The following NTPCR variants were observed in gnomAD, a reference collection of about 807,000 sequenced individuals.
The protein encoded by NTPCR is nucleoside-triphosphatase, cancer-related.
In NTPCR, 15 loss-of-function variants were observed where a neutral mutation model predicts 19.5. That is an observed-to-expected ratio of 0.77 (90% CI 0.51 to 1.18). The LOEUF (loss-of-function observed/expected upper bound fraction) is 1.18. Ranked by LOEUF, NTPCR falls within the 50% of genes most tolerant of loss-of-function variation. The probability of loss-of-function intolerance (pLI) is 0.00; values close to 1 mark genes in which losing one functional copy is unlikely to be tolerated. For missense variants in NTPCR, 206 were observed against 240.4 expected (o/e 0.86, Z 0.95); for synonymous variants, 90 against 95.8 (o/e 0.94, Z 0.36).
chr1:232,977,976 A>C (rs1669173302), intron 4 of NTPCR, among the ~76,000 whole-genome samples, 187 bp from the exon 5 acceptor site: 1 of 152,176 alleles, frequency 6.6e-6, no homozygotes. Context: ...GCAGAAACTG[A>C]TGCTGGGACT....
At chr1:232,969,698 C>T (rs971833152) in intron 3 of NTPCR, 53 of 500,390 alleles carry the variant, frequency 1.1e-4, no homozygotes, top group Non-Finnish European at 6.9e-5. Context: ...TTCCAAGAGT[C>T]CTAATGATTC....
At chr1:232,950,957 A>C (rs1278042488) in intron 1 of NTPCR, 2 of 526,108 alleles carry the variant, frequency 3.8e-6, no homozygotes, top group Non-Finnish European at 6.7e-6. Flanking sequence ...ATTAGAACAC[A>C]CTTGTGAGGG....
In NTPCR at chr1:232,970,055, T is replaced by C. The variant is rs1427786672; in HGVS notation, c.441T>C (p.Pro147=). ...GTIILGTIPV[P]KGKPLALVEE... is the part of the protein sequence containing the mutation. ...TAATCCTTGGCACAATCCCAGTTCC[T>C]AAAGGAAAGCCACTGGCTCTTGTAG... Residue 147 remains proline, a synonymous_variant, in exon 4 of 5, where the codon CCT becomes CCC. Transcript: ENST00000366628. 3.1e-6 allele frequency: 5 copies of C among 1,614,066 alleles called. No homozygotes were observed. In the Admixed American group the frequency reaches 5.0e-5, roughly 16 times the overall value.
At position 232,955,668 on chromosome 1, in the gene NTPCR, G is replaced by A. The variant is rs771839425; in HGVS notation, c.146G>A (p.Gly49Glu). ...GTCAGACAGGGAGGGAGAAGAATAGGATTCGATGTCGTCACGTTGTCCGGC... is the reference window on the plus strand; with the variant it reads ...GTCAGACAGGGAGGGAGAAGAATAGAATTCGATGTCGTCACGTTGTCCGGC... The part of the protein sequence containing the change: ...EEVRQGGRRI[G>E]FDVVTLSGTR... The change falls in exon 2 of 5, where the codon GGA (glycine) becomes GAA (glutamate). Residue 49 changes from glycine (G) to glutamate (E), a missense_variant. Transcript: ENST00000366628. The A allele has an allele frequency of 3.7e-6, 6 of 1,613,892 alleles. No individual in the cohort carries two copies. Among genetic ancestry groups the A allele is most frequent in the Non-Finnish European group, 3.4e-6 (4 of 1,179,950 alleles).
In NTPCR at chr1:232,955,606, C is replaced by T; in HGVS notation, c.84C>T (p.Ser28=). 1 of 1,610,158 alleles carries T rather than the reference C, an allele frequency of 6.2e-7. No individual in the cohort carries two copies. The highest frequency in any genetic ancestry group is 8.5e-7 in the Non-Finnish European group (1 of 1,179,242). The change falls in exon 2 of 5, where the codon TCC becomes TCT. Residue 28 remains serine, a synonymous_variant. Transcript: ENST00000366628. The part of the protein sequence containing the change: ...LIHKASEVLK[S]SGVPVDGFYT... The stretch of plus-strand genomic sequence containing the variant: ...ATAAAGCCAGTGAGGTTTTAAAATC[C>T]TCTGGTGTGCCTGTTGATGGATTTT...
chr1:232,966,368 GTCC>G (rs1668817377), intron 3 of NTPCR: 1 of 152,140 alleles, frequency 6.6e-6, no homozygotes, highest in Non-Finnish European at 1.5e-5. Context: ...AATCCAAACA[GTCC>G]TCCTAAAATT....
chr1:232,958,749 A>T lies in NTPCR; in HGVS notation c.294+2306A>T, dbSNP rs193182064. ...CTTTTTAGCTGTTTTCCCGTCACAT[A>T]CATTCCTCTCTACTTAAATGTTCAA... is the stretch of plus-strand genomic sequence containing the variant. On this transcript the variant is annotated intron_variant, in intron 3 of 4. Coordinates refer to ENST00000366628, the MANE Select transcript of NTPCR (RefSeq NM_032324.3). 2.1e-4 allele frequency among the ~76,000 whole-genome samples: 32 copies of T among 152,258 alleles called. No homozygotes were observed. The East Asian group carries it at 3.7e-3, about 17-fold the overall frequency.
intron 3 of NTPCR, chr1:232,966,586 G>A (rs575083541): frequency 4.6e-5 from 7 of 152,288 alleles, no homozygotes; most frequent in South Asian, 2.1e-4. Flanking sequence ...TAACTGGTAC[G>A]AAGATATTTG....
chr1:232,976,506 C>T (rs748558603), intron 4 of NTPCR: 1 of 1,536,634 alleles, frequency 6.5e-7, no homozygotes, highest in South Asian at 1.2e-5. Flanking sequence ...CTCCTTTCTA[C>T]CTCAGGTGGA....
chr1:232,964,795 G>T (rs1668767259), intron 3 of NTPCR: 1 of 152,114 alleles, frequency 6.6e-6, no homozygotes, highest in African/African-American at 2.4e-5. Flanking sequence ...TTTCTCCTCA[G>T]GCAGTTTCTA....
chr1:232,978,424 A>G lies in NTPCR; in HGVS notation c.*193A>G. ...CTTAATGCTGGATTGTCTGTACAAG[A>G]TTAACTATCCATTGTGGCTTATCTA... On this transcript the variant is annotated 3_prime_UTR_variant, in exon 5 of 5. Coordinates refer to ENST00000366628, the MANE Select transcript of NTPCR (RefSeq NM_032324.3). 1 of 534,992 alleles carries G rather than the reference A, an allele frequency of 1.9e-6. No individual in the cohort carries two copies. Among genetic ancestry groups the G allele is most frequent in the East Asian group, 3.1e-5 (1 of 32,706 alleles). The allele number at this position is 534,992 out of a possible 1,614,324, so 33.1% of individuals were successfully genotyped here.
chr1:232,977,730 C>T (rs1051505458), intron 4 of NTPCR, among the ~76,000 whole-genome samples: 6 of 152,086 alleles, frequency 3.9e-5, no homozygotes, highest in East Asian at 1.9e-4. Flanking sequence ...GAATCCTGGG[C>T]GCTTCACTGC....
chr1:232,980,224 A>G lies in NTPCR; in HGVS notation c.*1993A>G, dbSNP rs557147246. ...TGTCACTGCCTACTTGAAAGTATGC[A>G]CTTGTGTGGAACAGATTCAGGGTGG... is the stretch of plus-strand genomic sequence containing the variant. On this transcript the variant is annotated 3_prime_UTR_variant, in exon 5 of 5. Transcript: ENST00000366628. 4.6e-5 allele frequency: 7 copies of G among 152,358 alleles called. No individual in the cohort carries two copies. The highest frequency in any genetic ancestry group is 7.3e-5 in the Non-Finnish European group (5 of 68,044). 9.4% of individuals were successfully genotyped at this position (152,358 alleles called of 1,614,324 possible).
At chr1:232,976,239 T>C in intron 4 of NTPCR, 1 of 1,368,880 alleles carries the variant, frequency 7.3e-7, no homozygotes, top group South Asian at 1.7e-5. Context: ...CAGGGTAATT[T>C]CCATATCTGT....
intron 4 of NTPCR, among the ~76,000 whole-genome samples, chr1:232,974,473 T>C (rs1204260934): frequency 6.6e-6 from 1 of 152,164 alleles, no homozygotes; most frequent in Non-Finnish European, 1.5e-5. Context: ...TGTTGACTTT[T>C]GAAGAATTAT....
intron 4 of NTPCR, among the ~76,000 whole-genome samples, chr1:232,970,896 G>A (rs1232964972): frequency 6.6e-6 from 1 of 152,144 alleles, no homozygotes; most frequent in African/African-American, 2.4e-5. Context: ...CCTGGGAGTG[G>A]GCCTTGCCCT....
At chr1:232,973,564 G>A (rs1043835256) in intron 4 of NTPCR, among the ~76,000 whole-genome samples, 27 of 152,274 alleles carry the variant, frequency 1.8e-4, no homozygotes, top group African/African-American at 5.5e-4. Flanking sequence ...ACCTGAGTGA[G>A]GAAAGGCCAT....
chr1:232,960,082 G>T (rs1362450338), intron 3 of NTPCR, among the ~76,000 whole-genome samples: 1 of 151,772 alleles, frequency 6.6e-6, no homozygotes, highest in East Asian at 2.0e-4. Context: ...GGGTATGGTG[G>T]CACATGCCCG....
At position 232,970,038 on chromosome 1, in the gene NTPCR, G is replaced by A. The variant is rs1210423189; in HGVS notation, c.424G>A (p.Gly142Ser). 1 of 1,614,132 alleles carries A rather than the reference G, an allele frequency of 6.2e-7. No homozygotes were observed. Reference protein sequence around the residue: ...TLSTPGTIILGTIPVPKGKPL... With the variant: ...TLSTPGTIILSTIPVPKGKPL... ...GTCTACCCCAGGGACTATAATCCTT[G>A]GCACAATCCCAGTTCCTAAAGGAAA... The change falls in exon 4 of 5, where the codon GGC becomes AGC. Residue 142 changes from glycine to serine, a missense_variant. Physicochemically the swap from Gly to Ser is moderately conservative, Grantham distance 56. Coordinates refer to ENST00000366628, the MANE Select transcript of NTPCR (RefSeq NM_032324.3).
Sources: allele counts gnomAD v4.1 joint callset (sites outside exome capture counted in the v4.1 genomes callset), GRCh38; gene constraint gnomAD v4.1.1; transcripts MANE v1.5; gene names NCBI Gene and HGNC (gene_info 2026-07-23, HGNC 2026-07-21).